CHCHD3: variants seen among roughly 807,000 people sequenced by gnomAD.
CHCHD3 encodes MICOS complex subunit MIC19.
In CHCHD3, 20 loss-of-function variants were observed where a neutral mutation model predicts 38.2. The ratio of observed to expected loss-of-function variants is 0.52; its 90% CI spans 0.37 to 0.76. CHCHD3 has a LOEUF of 0.76. CHCHD3 is among the 30% of genes least tolerant of loss of function. CHCHD3 has a pLI of 0.00. For synonymous variants in CHCHD3, 82 were observed against 100.0 expected, an observed-to-expected ratio of 0.82 and a Z score of 1.07; for missense variants, 245 against 279.2, an observed-to-expected ratio of 0.88 and a Z score of 0.87.
chr7:132,809,877 A>G (rs1807024154), intron 6 of CHCHD3, among the ~76,000 whole-genome samples: 1 of 152,208 alleles, frequency 6.6e-6, no homozygotes, highest in South Asian at 2.1e-4. Flanking sequence ...AACTAAATTC[A>G]TTTCAAAAGG....
chr7:132,821,575 T>C (rs1172254575), intron 6 of CHCHD3, among the ~76,000 whole-genome samples: 1 of 152,116 alleles, frequency 6.6e-6, no homozygotes, highest in Non-Finnish European at 1.5e-5. Context: ...TTCTGGTAGA[T>C]GCTACAGCAA....
chr7:132,907,144 T>C (rs1208270170), intron 4 of CHCHD3, among the ~76,000 whole-genome samples: 1 of 152,208 alleles, frequency 6.6e-6, no homozygotes, highest in African/African-American at 2.4e-5. Context: ...AATGAAAACC[T>C]GTGTTGTACA....
chr7:132,828,022 G>A (rs562314824), intron 6 of CHCHD3, among the ~76,000 whole-genome samples: 7 of 152,210 alleles, frequency 4.6e-5, no homozygotes, highest in African/African-American at 1.4e-4. Flanking sequence ...TTCCCTCAAT[G>A]ATGACCATTC....
At chr7:132,915,070 G>A (rs746562916) in intron 4 of CHCHD3, among the ~76,000 whole-genome samples, 3 of 151,404 alleles carry the variant, frequency 2.0e-5, no homozygotes, top group Non-Finnish European at 4.4e-5. Flanking sequence ...GCTCAGGCAG[G>A]AGAGGTTGCA....
intron 4 of CHCHD3, among the ~76,000 whole-genome samples, chr7:132,899,132 C>A (rs578015771): frequency 6.6e-6 from 1 of 152,166 alleles, no homozygotes; most frequent in African/African-American, 2.4e-5. Flanking sequence ...CGAGAGCGAG[C>A]GAGGGCTGTG....
chr7:133,059,266 G>T (rs922831920), intron 2 of CHCHD3, among the ~76,000 whole-genome samples: 1 of 152,128 alleles, frequency 6.6e-6, no homozygotes, highest in Non-Finnish European at 1.5e-5. Flanking sequence ...AGAGAGCAGC[G>T]GGTTCTACTA....
chr7:132,850,060 A>T (rs188946900), intron 5 of CHCHD3, among the ~76,000 whole-genome samples: 4 of 152,318 alleles, frequency 2.6e-5, no homozygotes, highest in Admixed American at 2.6e-4. Flanking sequence ...ACACCTCATG[A>T]ATAACTTCAA....
chr7:132,957,786 T>C (rs1295867026), intron 4 of CHCHD3, among the ~76,000 whole-genome samples: 1 of 152,056 alleles, frequency 6.6e-6, no homozygotes. Flanking sequence ...AGCCCTCAAT[T>C]TTCTTTCTTC....
intron 4 of CHCHD3, among the ~76,000 whole-genome samples, chr7:132,949,177 C>T (rs2117283993): frequency 6.6e-6 from 1 of 152,168 alleles, no homozygotes; most frequent in East Asian, 1.9e-4. Flanking sequence ...ATAACAGGGC[C>T]TCTGAATTTT....
intron 1 of CHCHD3, among the ~76,000 whole-genome samples, chr7:133,072,266 A>T (rs1020890996): frequency 1.9e-5 from 1 of 52,730 alleles, no homozygotes; most frequent in African/African-American, 7.8e-5. Flanking sequence ...TAAACTTTAA[A>T]AAAAAAAAGC....
chr7:132,873,255 A>G (rs1808809443), intron 5 of CHCHD3, among the ~76,000 whole-genome samples: 1 of 152,108 alleles, frequency 6.6e-6, no homozygotes, highest in Non-Finnish European at 1.5e-5. Flanking sequence ...TAAGAATCCC[A>G]GGTCAAGTTA....
chr7:133,013,264 T>C (rs1812934451), intron 3 of CHCHD3, among the ~76,000 whole-genome samples: 1 of 148,788 alleles, frequency 6.7e-6, no homozygotes, highest in African/African-American at 2.5e-5. Flanking sequence ...TAATTTAGCC[T>C]CTGAAACACA....
In CHCHD3 at chr7:133,070,197, T is replaced by C. The variant is rs138195009; in HGVS notation, c.114A>G (p.Glu38=). ...LSENVIDRMK[E]SSPSGSKSQR... ...GAGACTTCGAACCAGATGGAGAGGA[T>C]TCCTTCATTCGATCAATCACATTTT... The change falls in exon 2 of 8, where the codon GAA becomes GAG. Residue 38 remains glutamate, a synonymous_variant. Coordinates refer to ENST00000262570, the MANE Select transcript of CHCHD3 (RefSeq NM_017812.4). 2 of 1,613,468 alleles carry C rather than the reference T, an allele frequency of 1.2e-6. No homozygotes were observed. The highest frequency in any genetic ancestry group is 1.7e-5 in the Admixed American group (1 of 59,922).
At chr7:132,990,988 A>AC (rs1812267306) in intron 3 of CHCHD3, among the ~76,000 whole-genome samples, 1 of 149,260 alleles carries the variant, frequency 6.7e-6, no homozygotes, top group Non-Finnish European at 1.5e-5. Flanking sequence ...ACACAACCTA[A>AC]CTCATTCTGT....
At chr7:132,924,821 C>G (rs1023407115) in intron 4 of CHCHD3, among the ~76,000 whole-genome samples, 1 of 152,148 alleles carries the variant, frequency 6.6e-6, no homozygotes, top group Non-Finnish European at 1.5e-5. Context: ...TTAAAACACA[C>G]GTACACATAC....
intron 2 of CHCHD3, among the ~76,000 whole-genome samples, chr7:133,060,980 T>C (rs1562951511): frequency 6.6e-6 from 1 of 152,060 alleles, no homozygotes. Context: ...GACAAAGAAG[T>C]TCAACACAAC....
intron 2 of CHCHD3, among the ~76,000 whole-genome samples, chr7:133,038,257 TATATTATATG>T (rs1380148516): frequency 4.7e-5 from 7 of 148,904 alleles, no homozygotes; most frequent in African/African-American, 1.8e-4. Context: ...ACATCTGTAT[TATATTATATG>T]ATATATTATA....
intron 2 of CHCHD3, among the ~76,000 whole-genome samples, chr7:133,033,238 A>T (rs1813549883): frequency 6.6e-6 from 1 of 152,220 alleles, no homozygotes; most frequent in Non-Finnish European, 1.5e-5. Flanking sequence ...TGCAAAACAT[A>T]CTTTCTGTTT....
At chr7:132,912,191 T>C (rs1367751178) in intron 4 of CHCHD3, among the ~76,000 whole-genome samples, 1 of 152,224 alleles carries the variant, frequency 6.6e-6, no homozygotes, top group Non-Finnish European at 1.5e-5. Context: ...ATTAGCTCTA[T>C]TTCAAAAGTT....
Sources: gnomAD v4.1 joint callset for allele counts (sites outside exome capture counted in the v4.1 genomes callset) on GRCh38, gnomAD v4.1.1 for gene constraint, MANE v1.5 for transcripts, NCBI Gene and HGNC (gene_info 2026-07-23, HGNC 2026-07-21) for gene names.